TCF7: variants seen among roughly 807,000 people sequenced by gnomAD.
TCF7 encodes transcription factor 7.
TCF7 carries 19 observed loss-of-function variants against 46.8 expected under a neutral mutation model. The ratio of observed to expected loss-of-function variants is 0.41; its 90% CI spans 0.28 to 0.60. The LOEUF is 0.60. TCF7 is among the 20% of genes least tolerant of loss of function. TCF7 has a pLI of 0.35. For synonymous variants in TCF7, 245 were observed against 213.4 expected, an observed-to-expected ratio of 1.15 and a Z score of -1.29; for missense variants, 547 against 504.6, an observed-to-expected ratio of 1.08 and a Z score of -0.81.
chr5:134,124,415 C>T (rs1757052011), intron 3 of TCF7, among the ~76,000 whole-genome samples: 1 of 152,176 alleles, frequency 6.6e-6, no homozygotes, highest in Non-Finnish European at 1.5e-5. Context: ...GAACATGGGG[C>T]TCCTCTTGCC....
At chr5:134,124,008 C>T (rs1370214792) in intron 3 of TCF7, among the ~76,000 whole-genome samples, 1 of 152,044 alleles carries the variant, frequency 6.6e-6, no homozygotes, top group Non-Finnish European at 1.5e-5. Flanking sequence ...CATGCTCTCT[C>T]GGGGTTCGGG....
At chr5:134,131,518 CCAGA>C (rs1352579640) in intron 3 of TCF7, among the ~76,000 whole-genome samples, 11 of 152,206 alleles carry the variant, frequency 7.2e-5, no homozygotes, top group Non-Finnish European at 1.5e-4. Context: ...TCTCCCAGCT[CCAGA>C]CCAGGCTTCA....
chr5:134,118,232 G>A (rs538193203), intron 3 of TCF7, among the ~76,000 whole-genome samples: 2 of 152,286 alleles, frequency 1.3e-5, no homozygotes, highest in South Asian at 4.1e-4. Context: ...CCTTGCAAGG[G>A]CCCTGAGGAA....
intron 3 of TCF7, among the ~76,000 whole-genome samples, chr5:134,134,630 G>A (rs1031935937): frequency 6.6e-6 from 1 of 152,152 alleles, no homozygotes; most frequent in African/African-American, 2.4e-5. Flanking sequence ...GGAACTTTAG[G>A]ACAGAGGAGA....
intron 3 of TCF7, among the ~76,000 whole-genome samples, chr5:134,131,880 TGACATGGCTGTGCCGTGGTGAGCAGGG>T (rs1398678764): frequency 5.3e-5 from 8 of 152,252 alleles, no homozygotes; most frequent in African/African-American, 1.9e-4. Context: ...AGGAGCAGGC[TGACATGGCTGTGCCGTGGTGAGCAGGG>T]GACATGGCTG....
In TCF7 at chr5:134,114,870, C is replaced by T. The variant is rs912349139; in HGVS notation, c.-37C>T. The T allele has an allele frequency of 1.0e-5, 10 of 984,556 alleles. No homozygotes were observed. In the African/African-American group the frequency reaches 1.2e-4, roughly 12 times the overall value. The allele number at this position is 984,556 out of a possible 1,614,324, so 61.0% of individuals were successfully genotyped here. ...CCGGCTCCGCGCCCCGCACTCCCGG[C>T]GCCCAGCGCCCCGCGCCCCGGCGGG... On this transcript the variant is annotated 5_prime_UTR_variant, in exon 1 of 10. Transcript: ENST00000342854.
At chr5:134,124,333 G>A (rs568942992) in intron 3 of TCF7, among the ~76,000 whole-genome samples, 1 of 152,200 alleles carries the variant, frequency 6.6e-6, no homozygotes, top group Non-Finnish European at 1.5e-5. Context: ...TTCTGCTGCT[G>A]CACACAAGCT....
Position 134,114,844 on chromosome 5 carries a change from GC to G in TCF7, c.-61del. On this transcript the variant is annotated 5_prime_UTR_variant, in exon 1 of 10. Transcript: ENST00000342854. ...GGACTCCGGGCTCGCCGCCCCCCGG[GC>G]CGGCTCCGCGCCCCGCACTCCCGGC... 1 of 981,782 alleles carries G rather than the reference GC, an allele frequency of 1.0e-6. No homozygotes were observed. Among genetic ancestry groups the G allele is most frequent in the Non-Finnish European group, 1.2e-6 (1 of 829,028 alleles). 60.8% of individuals were successfully genotyped at this position (981,782 alleles called of 1,614,324 possible). A position where few individuals can be genotyped will look rare whatever the true frequency, so the allele number is the denominator to read the frequency against.
intron 3 of TCF7, among the ~76,000 whole-genome samples, chr5:134,132,468 G>A (rs545273521): frequency 1.3e-5 from 2 of 152,340 alleles, no homozygotes; most frequent in East Asian, 3.9e-4. Flanking sequence ...GCCACTGGGA[G>A]GCGTTCTTGG....
At chr5:134,145,952 G>C (rs887189802) in intron 9 of TCF7, 1 of 1,483,592 alleles carries the variant, frequency 6.7e-7, no homozygotes, top group Non-Finnish European at 8.9e-7. Context: ...GAAGACAGGA[G>C]AGATGACTCC....
rs969000014 is a variant in TCF7 at position 134,114,808 on chromosome 5, C to A, written c.-99C>A. ...CGCGCTCCGCCCGCCGCGATCCGAG[C>A]TCGGAGGTTCGGACTCCGGGCTCGC... On this transcript the variant is annotated 5_prime_UTR_variant, in exon 1 of 10. Transcript: ENST00000342854. The A allele has an allele frequency of 3.1e-6, 3 of 972,494 alleles. No homozygotes were observed. Among genetic ancestry groups the A allele is most frequent in the Non-Finnish European group, 3.7e-6 (3 of 820,264 alleles). 60.2% of individuals were successfully genotyped at this position (972,494 alleles called of 1,614,324 possible).
chr5:134,135,110 T>C (rs965815577), intron 3 of TCF7, among the ~76,000 whole-genome samples: 2 of 152,176 alleles, frequency 1.3e-5, no homozygotes, highest in Non-Finnish European at 2.9e-5. Context: ...TGCACCACCA[T>C]GCCCAGCTAG....
At chr5:134,119,916 G>A (rs1401969271) in intron 3 of TCF7, among the ~76,000 whole-genome samples, 1 of 152,348 alleles carries the variant, frequency 6.6e-6, no homozygotes, top group Non-Finnish European at 1.5e-5. Context: ...AGCCTGTTAG[G>A]AGGGAATTTG....
Position 134,114,957 on chromosome 5 carries a change from C to T in TCF7, c.51C>T (p.Leu17=), listed in dbSNP as rs1416099810. Residue 17 remains leucine, a synonymous_variant, in exon 1 of 10, where the codon CTC becomes CTT. Transcript: ENST00000342854. ...GGGGAGGGDD[L]GAPDELLAFQ... ...GCGGCGCGGGCGGCGGCGACGACCT[C>T]GGCGCGCCGGACGAGCTGCTGGCCT... is the stretch of plus-strand genomic sequence containing the variant. 1.9e-5 allele frequency: 22 copies of T among 1,156,998 alleles called. No homozygotes were observed. The highest frequency in any genetic ancestry group is 2.2e-5 in the Non-Finnish European group (20 of 920,064). The allele number at this position is 1,156,998 out of a possible 1,614,324, so 71.7% of individuals were successfully genotyped here.
In TCF7 at chr5:134,115,033, G is replaced by T; in HGVS notation, c.127G>T (p.Gly43Cys). ...CGACAAGAGCCGCGACAGCGCCGCC[G>T]GTCCCGAGCGCGACCTGGCCGAGCT... ...QDDKSRDSAA[G>C]PERDLAELKS... The change falls in exon 1 of 10, where the codon GGT becomes TGT. Residue 43 changes from glycine to cysteine, a missense_variant. Gly to Cys is a radical substitution (Grantham distance 159). Around this residue, in one of 3 missense-constraint regions of TCF7, gnomAD observed 425 missense variants for 349.9 expected, o/e 1.21. Coordinates refer to ENST00000342854, the MANE Select transcript of TCF7 (RefSeq NM_003202.5). 2 of 1,249,442 alleles carry T rather than the reference G, an allele frequency of 1.6e-6. No individual in the cohort carries two copies. The highest frequency in any genetic ancestry group is 1.5e-5 in the South Asian group (1 of 65,728). 77.4% of individuals were successfully genotyped at this position (1,249,442 alleles called of 1,614,324 possible).
chr5:134,114,812 G>C lies in TCF7; in HGVS notation c.-95G>C, dbSNP rs1273507045. On this transcript the variant is annotated 5_prime_UTR_variant, in exon 1 of 10. Transcript: ENST00000342854. ...CTCCGCCCGCCGCGATCCGAGCTCGGAGGTTCGGACTCCGGGCTCGCCGCC... is the reference window on the plus strand; with the variant it reads ...CTCCGCCCGCCGCGATCCGAGCTCGCAGGTTCGGACTCCGGGCTCGCCGCC... 1.0e-6 allele frequency: 1 copy of C among 975,376 alleles called. No homozygotes were observed. Among genetic ancestry groups the C allele is most frequent in the Non-Finnish European group, 1.2e-6 (1 of 823,036 alleles). The allele number at this position is 975,376 out of a possible 1,614,324, so 60.4% of individuals were successfully genotyped here.
intron 9 of TCF7, chr5:134,143,971 CCCAAA>C (rs1221364772): frequency 3.5e-6 from 1 of 285,360 alleles, no homozygotes; most frequent in Admixed American, 4.8e-5. Context: ...TGATGCTTAG[CCCAAA>C]CAATGTCCTG....
intron 3 of TCF7, among the ~76,000 whole-genome samples, chr5:134,127,609 G>A (rs543317475): frequency 6.0e-4 from 92 of 152,326 alleles, no homozygotes; most frequent in African/African-American, 2.2e-3. Context: ...GGAGTCTCAG[G>A]GTATGGGTGC....
intron 2 of TCF7, 181 bp downstream of exon 2, chr5:134,115,568 C>T (rs1245261664): frequency 1.4e-6 from 2 of 1,442,634 alleles, no homozygotes; most frequent in South Asian, 1.5e-5. Flanking sequence ...GAGTCACTTC[C>T]GGTGCCCTGA....
Sources: allele counts gnomAD v4.1 joint callset (sites outside exome capture counted in the v4.1 genomes callset), GRCh38; gene constraint gnomAD v4.1.1; regional missense constraint gnomAD v4.1.1; transcripts MANE v1.5; gene names NCBI Gene and HGNC (gene_info 2026-07-23, HGNC 2026-07-21).